Variants in ADAMTSL1 observed in about 807,000 individuals in gnomAD.
ADAMTSL1 encodes the protein ADAMTS-like protein 1.
Under a neutral mutation model 201.8 loss-of-function variants are expected in ADAMTSL1, and 126 were observed. That is an observed-to-expected ratio of 0.62 (90% confidence interval 0.54 to 0.72). The LOEUF (loss-of-function observed/expected upper bound fraction) is 0.72, where lower values mean the gene tolerates loss of function less well. Ranked by LOEUF, ADAMTSL1 falls within the 30% of genes least tolerant of loss-of-function variation. ADAMTSL1 has a pLI of 0.00. For missense variants in ADAMTSL1, 2,679 were observed against 2,277.8 expected, an observed-to-expected ratio of 1.18 and a Z score of -3.59; for synonymous variants, 1,121 against 903.4, an observed-to-expected ratio of 1.24 and a Z score of -4.32.
In ADAMTSL1 at chr9:18,298,664, T is replaced by G. The variant is rs150759579; in HGVS notation, c.207+134683T>G. Among the ~76,000 whole-genome samples the G allele has an allele frequency of 7.0e-3, 1,003 of 142,310 alleles. 15 individuals are homozygous for G. Among genetic ancestry groups the G allele is most frequent in the African/African-American group, 0.029 (959 of 33,582 alleles). 93.4% of individuals were successfully genotyped at this position (142,310 alleles called of 152,430 possible). On this transcript the variant is annotated intron_variant, in intron 2 of 29. Coordinates refer to the ADAMTSL1 transcript ENST00000680146. ...AAGCAAGCACTCTCAGTATTCTCATTTAACAAGTTAAAAAAAAAAAAAAGG... is the reference window on the plus strand; with the variant it reads ...AAGCAAGCACTCTCAGTATTCTCATGTAACAAGTTAAAAAAAAAAAAAAGG...
chr9:18,335,308 G>A (rs755717845), intron 2 of ADAMTSL1, among the ~76,000 whole-genome samples: 7 of 152,004 alleles, frequency 4.6e-5, no homozygotes, highest in African/African-American at 1.2e-4. Context: ...TTTTCCTCTC[G>A]TTCTTTTTTA....
intron 2 of ADAMTSL1, among the ~76,000 whole-genome samples, chr9:18,370,999 G>A (rs947565221): frequency 9.9e-5 from 15 of 152,046 alleles, no homozygotes; most frequent in Admixed American, 7.9e-4. Flanking sequence ...GTTTAAGAGA[G>A]TAAAAGCTTT....
At chr9:18,658,429 A>G (rs574293113) in intron 8 of ADAMTSL1, among the ~76,000 whole-genome samples, 8 of 152,324 alleles carry the variant, frequency 5.3e-5, no homozygotes, top group African/African-American at 1.7e-4. Context: ...TTAGCAATCA[A>G]TTAAAGAGTG....
intron 1 of ADAMTSL1, among the ~76,000 whole-genome samples, chr9:17,999,904 G>C (rs4007670): frequency 1.3e-5 from 2 of 149,532 alleles, no homozygotes; most frequent in South Asian, 4.3e-4. Context: ...GATTTCCAAT[G>C]TCATCCATGT....
At chr9:17,920,772 C>T (rs547295814) in intron 1 of ADAMTSL1, among the ~76,000 whole-genome samples, 1 of 152,304 alleles carries the variant, frequency 6.6e-6, no homozygotes, top group South Asian at 2.1e-4. Context: ...GTGGGCTATA[C>T]GGTCTTTGTC....
intron 3 of ADAMTSL1, among the ~76,000 whole-genome samples, chr9:18,552,404 C>T (rs998442338): frequency 3.3e-5 from 5 of 151,824 alleles, no homozygotes; most frequent in African/African-American, 7.2e-5. Context: ...CTTTATTAAT[C>T]GCTAACAATT....
At chr9:18,339,792 C>A (rs1170743983) in intron 2 of ADAMTSL1, among the ~76,000 whole-genome samples, 1 of 152,088 alleles carries the variant, frequency 6.6e-6, no homozygotes, top group Non-Finnish European at 1.5e-5. Context: ...TGGCTCCTTC[C>A]TACCAGCATT....
chr9:18,837,113 G>A (rs1028301434), intron 23 of ADAMTSL1, among the ~76,000 whole-genome samples: 2 of 152,028 alleles, frequency 1.3e-5, no homozygotes, highest in Non-Finnish European at 2.9e-5. Context: ...CTTGCCTGAT[G>A]GCTCTCACTA....
chr9:18,556,642 T>C (rs1020677968), intron 3 of ADAMTSL1, among the ~76,000 whole-genome samples: 1 of 151,972 alleles, frequency 6.6e-6, no homozygotes, highest in Non-Finnish European at 1.5e-5. Flanking sequence ...TCTCTATTTT[T>C]TAAGTTTCTT....
intron 23 of ADAMTSL1, among the ~76,000 whole-genome samples, chr9:18,872,511 C>T (rs1827927314): frequency 6.6e-6 from 1 of 152,126 alleles, no homozygotes; most frequent in Admixed American, 6.6e-5. Flanking sequence ...TCCGAGTACC[C>T]AGAGTCCATT....
chr9:18,724,804 A>C (rs757701728), intron 15 of ADAMTSL1, among the ~76,000 whole-genome samples: 2 of 152,198 alleles, frequency 1.3e-5, no homozygotes, highest in Non-Finnish European at 2.9e-5. Flanking sequence ...CCTCCTCTGC[A>C]TCCTCCTTAT....
chr9:17,980,085 C>A (rs1365933472), intron 1 of ADAMTSL1, among the ~76,000 whole-genome samples: 2 of 152,152 alleles, frequency 1.3e-5, no homozygotes. Context: ...TCTCTTTGTA[C>A]TGTACTGCGT....
intron 1 of ADAMTSL1, among the ~76,000 whole-genome samples, chr9:18,081,164 T>A (rs187823450): frequency 2.0e-5 from 3 of 152,314 alleles, no homozygotes; most frequent in Non-Finnish European, 2.9e-5. Flanking sequence ...CTTTGATAAG[T>A]CTAGTCTATC....
intron 4 of ADAMTSL1, among the ~76,000 whole-genome samples, chr9:18,599,890 C>A (rs1214280448): frequency 6.6e-6 from 1 of 150,450 alleles, no homozygotes; most frequent in Non-Finnish European, 1.5e-5. Flanking sequence ...CGGTGGCTCA[C>A]GCCTGTAATC....
At chr9:18,853,233 A>G (rs1826612203) in intron 23 of ADAMTSL1, among the ~76,000 whole-genome samples, 2 of 152,202 alleles carry the variant, frequency 1.3e-5, no homozygotes, top group African/African-American at 4.8e-5. Context: ...ACTGCCCAAC[A>G]GGTTGTTTTT....
At chr9:18,349,177 G>A (rs1835853300) in intron 2 of ADAMTSL1, among the ~76,000 whole-genome samples, 1 of 152,154 alleles carries the variant, frequency 6.6e-6, no homozygotes, top group African/African-American at 2.4e-5. Flanking sequence ...AGAAGATGAG[G>A]CACTTGAATA....
At chr9:18,665,296 G>A (rs1241209433) in intron 9 of ADAMTSL1, among the ~76,000 whole-genome samples, 1 of 151,816 alleles carries the variant, frequency 6.6e-6, no homozygotes, top group Non-Finnish European at 1.5e-5. Context: ...TCATTATTTT[G>A]CTTTATAATA....
chr9:18,071,355 CTG>C (rs1822956575), intron 1 of ADAMTSL1, among the ~76,000 whole-genome samples: 2 of 151,698 alleles, frequency 1.3e-5, no homozygotes, highest in African/African-American at 4.8e-5. Context: ...GTGTGTCTGT[CTG>C]TTCCTTATTC....
chr9:18,110,631 C>T (rs1039050586), intron 1 of ADAMTSL1, among the ~76,000 whole-genome samples: 1 of 152,188 alleles, frequency 6.6e-6, no homozygotes, highest in Non-Finnish European at 1.5e-5. Flanking sequence ...ATTGGAGCAG[C>T]TGCTCTTCTT....
Sources: gnomAD v4.1 joint callset for allele counts (sites outside exome capture counted in the v4.1 genomes callset) on GRCh38, gnomAD v4.1.1 for gene constraint, MANE v1.5 for transcripts, NCBI Gene and HGNC (gene_info 2026-07-23, HGNC 2026-07-21) for gene names.